The following SEL1L3 variants were observed in gnomAD, a reference collection of about 807,000 sequenced individuals.
SEL1L3 encodes SEL1L family member 3.
Under a neutral mutation model 142.8 loss-of-function variants are expected in SEL1L3, and 76 were observed. The observed-to-expected ratio is 0.53, with a 90% confidence interval of 0.44 to 0.64. The LOEUF is 0.64. Ranked by LOEUF, SEL1L3 falls within the 30% of genes least tolerant of loss-of-function variation. The pLI is 0.00. For missense variants in SEL1L3, 1,262 were observed against 1,381.7 expected (o/e 0.91, Z 1.37); for synonymous variants, 504 against 519.6 (o/e 0.97, Z 0.41).
At chr4:25,736,287 G>A in the SEL1L3 span, among the ~76,000 whole-genome samples, 27 of 147,370 alleles carry the variant, frequency 1.8e-4, 1 homozygote, top group African/African-American at 1.2e-4. Context: ...GCAGTGGTGC[G>A]ATCTCAGCTC....
At chr4:25,861,287 T>A (rs1401879191) in intron 1 of SEL1L3, among the ~76,000 whole-genome samples, 1 of 152,204 alleles carries the variant, frequency 6.6e-6, no homozygotes, top group Non-Finnish European at 1.5e-5. Flanking sequence ...GGCAAAAAAA[T>A]ATCATTCATG....
At position 25,862,804 on chromosome 4, in the gene SEL1L3, C is replaced by A; in HGVS notation, c.33G>T (p.Pro11=). 8.6e-7 allele frequency: 1 copy of A among 1,166,658 alleles called. No individual in the cohort carries two copies. The highest frequency in any genetic ancestry group is 1.1e-6 in the Non-Finnish European group (1 of 947,208). The allele number at this position is 1,166,658 out of a possible 1,614,324, so 72.3% of individuals were successfully genotyped here. ...GCGGGGGTTGCTGCTGCTGCTGCCG[C>A]GGCCACCCGAGCCCCGCGCCGCGCC... The part of the protein sequence containing the change: MQRRGAGLGW[P]RQQQQQPPPL... The change falls in exon 1 of 24, where the codon CCG becomes CCT. Residue 11 remains proline (P), a synonymous_variant. Coordinates refer to ENST00000399878, the MANE Select transcript of SEL1L3 (RefSeq NM_015187.5).
the SEL1L3 span, among the ~76,000 whole-genome samples, chr4:25,727,099 C>G: frequency 6.5e-4 from 98 of 151,018 alleles, no homozygotes; most frequent in African/African-American, 2.2e-3. Flanking sequence ...GTCACCCAGG[C>G]TGGAGTGCAA....
chr4:25,800,619 T>G (rs892112776), intron 11 of SEL1L3, among the ~76,000 whole-genome samples: 2 of 151,902 alleles, frequency 1.3e-5, no homozygotes, highest in African/African-American at 2.4e-5. Context: ...AAAAAAATAG[T>G]TTTTTTTGGC....
intron 6 of SEL1L3, among the ~76,000 whole-genome samples, chr4:25,823,774 C>T (rs947595867): frequency 3.9e-5 from 6 of 151,952 alleles, no homozygotes; most frequent in South Asian, 2.1e-4. Flanking sequence ...CCCAGGGAGC[C>T]GAAGGAGCAA....
intron 2 of SEL1L3, among the ~76,000 whole-genome samples, chr4:25,845,635 C>T (rs571002407): frequency 2.6e-5 from 4 of 151,358 alleles, no homozygotes; most frequent in Non-Finnish European, 4.4e-5. Context: ...ACCAAGAAAT[C>T]GCCACAGTCA....
At chr4:25,793,740 T>A (rs1412728226) in intron 11 of SEL1L3, among the ~76,000 whole-genome samples, 3 of 152,218 alleles carry the variant, frequency 2.0e-5, no homozygotes, top group Non-Finnish European at 4.4e-5. Flanking sequence ...TAGTATGGCA[T>A]CTGCTACATC....
chr4:25,797,310 G>A (rs1005809216), intron 11 of SEL1L3, among the ~76,000 whole-genome samples: 1 of 152,190 alleles, frequency 6.6e-6, no homozygotes, highest in Non-Finnish European at 1.5e-5. Context: ...AGCAGGCTCA[G>A]CTGGAGGAAC....
chr4:25,862,677 G>C lies in SEL1L3; in HGVS notation c.160C>G (p.Leu54Val), dbSNP rs1717809733. The C allele has an allele frequency of 1.5e-6, 2 of 1,295,532 alleles. No homozygotes were observed. Among genetic ancestry groups the C allele is most frequent in the Non-Finnish European group, 2.0e-6 (2 of 1,019,196 alleles). 80.3% of individuals were successfully genotyped at this position (1,295,532 alleles called of 1,614,324 possible). A position where few individuals can be genotyped will look rare whatever the true frequency, so the allele number is the denominator to read the frequency against. ...CCCGGGCAGGGTCCGGCGCTCACCA[G>C]GTAGCAGAGCAGGAGCAGCGCGCAG... ...SACALLLLCY[L>V]NVVPSLGRQT... Residue 54 changes from leucine (L) to valine (V), a missense_variant and splice_region_variant, in exon 1 of 24, where the codon CTG becomes GTG. Leu to Val is a conservative substitution (Grantham distance 32). Around this residue, in one of 3 missense-constraint regions of SEL1L3, gnomAD observed 689 missense variants for 692.8 expected, o/e 0.99. Transcript: ENST00000399878.
chr4:25,788,135 G>A lies in SEL1L3; in HGVS notation c.2217+89C>T, dbSNP rs1331266051. 7 of 1,300,100 alleles carry A rather than the reference G, an allele frequency of 5.4e-6. 1 individual carries two copies. In the Middle Eastern group the frequency reaches 7.6e-4, roughly 141 times the overall value. 80.5% of individuals were successfully genotyped at this position (1,300,100 alleles called of 1,614,324 possible). On this transcript the variant is annotated intron_variant, in intron 13 of 23. Coordinates refer to ENST00000399878, the MANE Select transcript of SEL1L3 (RefSeq NM_015187.5). The surrounding 1 kb of genome is among the most constrained non-coding windows in gnomAD (Gnocchi z 5.3). ...CATATACTAAATTTCTTCAGTTATCGACTCCCTGTTTGCCAGCCCGCCCAC... is the reference window on the plus strand; with the variant it reads ...CATATACTAAATTTCTTCAGTTATCAACTCCCTGTTTGCCAGCCCGCCCAC...
chr4:25,800,082 G>A (rs778676047), intron 11 of SEL1L3, among the ~76,000 whole-genome samples: 2 of 152,126 alleles, frequency 1.3e-5, no homozygotes, highest in Admixed American at 6.5e-5. Flanking sequence ...CGATGTGAAG[G>A]GAGAGCACTA....
At chr4:25,730,263 T>C in the SEL1L3 span, among the ~76,000 whole-genome samples, 1 of 152,132 alleles carries the variant, frequency 6.6e-6, no homozygotes, top group Non-Finnish European at 1.5e-5. Flanking sequence ...ATGTTGGTAA[T>C]GGGGTTGCAA....
At position 25,754,290 on chromosome 4, in the gene SEL1L3, G is replaced by A. The variant is rs190803504; in HGVS notation, c.3259+3244C>T. 1.6e-3 allele frequency among the ~76,000 whole-genome samples: 240 copies of A among 150,688 alleles called. 1 individual carries two copies. The highest frequency in any genetic ancestry group is 4.7e-3 in the African/African-American group (194 of 41,232). ...GCACTCCAGCCTGGGCAACAAGAGCGAAAGTCAATCTCAAAAATATATAAA... is the reference window on the plus strand; with the variant it reads ...GCACTCCAGCCTGGGCAACAAGAGCAAAAGTCAATCTCAAAAATATATAAA... On this transcript the variant is annotated intron_variant, in intron 23 of 23. Coordinates refer to ENST00000399878, the MANE Select transcript of SEL1L3 (RefSeq NM_015187.5).
intron 11 of SEL1L3, among the ~76,000 whole-genome samples, chr4:25,798,027 CA>C (rs1175374772): frequency 6.6e-6 from 1 of 152,112 alleles, no homozygotes; most frequent in Non-Finnish European, 1.5e-5. Flanking sequence ...GAAAGCAAAC[CA>C]GTAAGCAGAC....
Position 25,849,511 on chromosome 4 carries a change from T to C in SEL1L3, c.163-1647A>G, listed in dbSNP as rs150217677. Among the ~76,000 whole-genome samples, 215 of 152,048 alleles carry C rather than the reference T, an allele frequency of 1.4e-3. 2 individuals are homozygous for C. Among genetic ancestry groups the C allele is most frequent in the African/African-American group, 5.0e-3 (208 of 41,470 alleles). Reference sequence around the variant, plus strand: ...ACAGAGACAGAAGGGAGAAAAGAGGTTACCAGGGCCTAAGGGAAGAGGGGA... The same window carrying C: ...ACAGAGACAGAAGGGAGAAAAGAGGCTACCAGGGCCTAAGGGAAGAGGGGA... On this transcript the variant is annotated intron_variant, in intron 1 of 23. Coordinates refer to ENST00000399878, the MANE Select transcript of SEL1L3 (RefSeq NM_015187.5).
chr4:25,838,052 T>C (rs948979044), intron 2 of SEL1L3, among the ~76,000 whole-genome samples: 4 of 152,208 alleles, frequency 2.6e-5, no homozygotes, highest in African/African-American at 9.6e-5. Flanking sequence ...CAGTACTTGA[T>C]AAAGACCCCA....
chr4:25,828,831 A>T (rs1715261286), intron 6 of SEL1L3, among the ~76,000 whole-genome samples: 1 of 152,208 alleles, frequency 6.6e-6, no homozygotes, highest in Non-Finnish European at 1.5e-5. Context: ...GCCTGTTTGG[A>T]GAGGCAGCAT....
rs1330949806 is a variant in SEL1L3 at position 25,862,970 on chromosome 4, A to T, written c.-134T>A. The T allele has an allele frequency of 4.0e-6, 2 of 504,580 alleles. No individual in the cohort carries two copies. Among genetic ancestry groups the T allele is most frequent in the Non-Finnish European group, 4.9e-6 (2 of 408,236 alleles). The allele number at this position is 504,580 out of a possible 1,614,324, so 31.3% of individuals were successfully genotyped here. ...CGGGGCCACCTGCCGCCACCTCCGG[A>T]CCCGCCGCCGCCGCCACTGCCGCTC... On this transcript the variant is annotated 5_prime_UTR_variant, in exon 1 of 24. Transcript: ENST00000399878.
At position 25,788,319 on chromosome 4, in the gene SEL1L3, T is replaced by G. The variant is rs1712008447; in HGVS notation, c.2122A>C (p.Lys708Gln). Residue 708 changes from lysine (K) to glutamine (Q), a missense_variant, in exon 13 of 24, where the codon AAG becomes CAG. Lys to Gln is a moderately conservative substitution (Grantham distance 53). Around this residue, in one of 3 missense-constraint regions of SEL1L3, gnomAD observed 435 missense variants for 559.2 expected, o/e 0.78. Transcript: ENST00000399878. The surrounding 1 kb of genome is among the most constrained non-coding windows in gnomAD (Gnocchi z 5.3). ...MLFWGQQGVA[K>Q]NPEAAIEWYA... ...CACTCAATTGCTGCTTCGGGATTCTTGGCCACACCTTGCTGCCCCCAGAAC... is the reference window on the plus strand; with the variant it reads ...CACTCAATTGCTGCTTCGGGATTCTGGGCCACACCTTGCTGCCCCCAGAAC... 1 of 1,613,882 alleles carries G rather than the reference T, an allele frequency of 6.2e-7. No individual in the cohort carries two copies. Among genetic ancestry groups the G allele is most frequent in the South Asian group, 1.1e-5 (1 of 91,090 alleles).
Sources: gnomAD v4.1 joint callset for allele counts (sites outside exome capture counted in the v4.1 genomes callset) on GRCh38, gnomAD v4.1.1 for gene constraint, gnomAD v4.1.1 regional missense constraint, Gnocchi (gnomAD v3.1) non-coding constraint, MANE v1.5 for transcripts, NCBI Gene and HGNC (gene_info 2026-07-23, HGNC 2026-07-21) for gene names.